RARB: variants seen among roughly 807,000 people sequenced by gnomAD.
The protein encoded by RARB is retinoic acid receptor beta.
In RARB, 17 loss-of-function variants were observed where a neutral mutation model predicts 51.9. The observed-to-expected ratio is 0.33, with a 90% CI of 0.22 to 0.49. The LOEUF is 0.49. Ranked by LOEUF, RARB falls within the 20% of genes least tolerant of loss-of-function variation. The pLI is 0.99. For synonymous variants in RARB, 215 were observed against 195.4 expected, an observed-to-expected ratio of 1.10 and a Z score of -0.84; for missense variants, 369 against 550.8, an observed-to-expected ratio of 0.67 and a Z score of 3.30.
intron 4 of RARB, among the ~76,000 whole-genome samples, chr3:25,154,849 T>A (rs563258935): frequency 2.0e-5 from 3 of 152,322 alleles, no homozygotes; most frequent in African/African-American, 7.2e-5. Context: ...CCTACCTACA[T>A]CTGAGCATGG....
chr3:24,994,899 T>A (rs1575110412), intron 2 of RARB, among the ~76,000 whole-genome samples: 1 of 152,006 alleles, frequency 6.6e-6, no homozygotes, highest in African/African-American at 2.4e-5. Context: ...ACTACAGTGT[T>A]GTATAGTTTG....
intron 3 of RARB, among the ~76,000 whole-genome samples, chr3:25,072,933 G>A (rs1367122579): frequency 2.0e-5 from 3 of 151,918 alleles, no homozygotes; most frequent in Non-Finnish European, 2.9e-5. Flanking sequence ...CTCCTGACCT[G>A]ATGATCCACC....
intron 2 of RARB, among the ~76,000 whole-genome samples, chr3:25,038,324 G>A (rs1403366774): frequency 6.6e-6 from 1 of 151,994 alleles, no homozygotes; most frequent in East Asian, 1.9e-4. Context: ...AAACACTGCT[G>A]TTCATGACAT....
chr3:24,873,790 A>G (rs917573004), intron 2 of RARB, among the ~76,000 whole-genome samples: 5 of 151,718 alleles, frequency 3.3e-5, no homozygotes, highest in African/African-American at 1.2e-4. Flanking sequence ...ATATTTTTAT[A>G]TTTTTGATAC....
intron 2 of RARB, among the ~76,000 whole-genome samples, chr3:25,011,742 G>A (rs774638312): frequency 1.3e-5 from 2 of 152,102 alleles, no homozygotes; most frequent in South Asian, 4.1e-4. Context: ...TGTCAAAGAA[G>A]TTGGTGTGTC....
intron 2 of RARB, among the ~76,000 whole-genome samples, chr3:25,058,971 A>G (rs1698495832): frequency 6.6e-6 from 1 of 151,778 alleles, no homozygotes; most frequent in African/African-American, 2.4e-5. Context: ...AATTTTACCC[A>G]TAATTCTACC....
At chr3:25,219,425 A>C (rs2125383608) in intron 5 of RARB, among the ~76,000 whole-genome samples, 1 of 152,250 alleles carries the variant, frequency 6.6e-6, no homozygotes, top group South Asian at 2.1e-4. Context: ...CTGCGCTTGA[A>C]CCACTTTGAG....
chr3:25,013,853 A>T (rs1283398326), intron 2 of RARB, among the ~76,000 whole-genome samples: 2 of 152,066 alleles, frequency 1.3e-5, no homozygotes, highest in Non-Finnish European at 2.9e-5. Flanking sequence ...TTTTTATCAC[A>T]AGCAACAGGA....
At chr3:25,288,003 G>T (rs1460536454) in intron 5 of RARB, among the ~76,000 whole-genome samples, 4 of 151,886 alleles carry the variant, frequency 2.6e-5, no homozygotes, top group African/African-American at 9.7e-5. Context: ...CCACAAAGCT[G>T]GTAGATTTTT....
intron 2 of RARB, among the ~76,000 whole-genome samples, chr3:25,032,260 G>T (rs1479679709): frequency 1.3e-5 from 2 of 151,998 alleles, no homozygotes; most frequent in African/African-American, 2.4e-5. Flanking sequence ...ATTAAGTCAC[G>T]GGCTGCATAA....
intron 5 of RARB, among the ~76,000 whole-genome samples, chr3:25,419,924 C>CA (rs1296329955): frequency 1.3e-5 from 2 of 150,892 alleles, no homozygotes; most frequent in African/African-American, 2.5e-5. Flanking sequence ...TAACAAAATG[C>CA]AAAAAACTAA....
intron 4 of RARB, among the ~76,000 whole-genome samples, chr3:25,136,621 G>T (rs895447267): frequency 1.3e-5 from 2 of 151,982 alleles, no homozygotes; most frequent in South Asian, 2.1e-4. Context: ...CACAATAAAA[G>T]AACCAGCACA....
At chr3:24,955,189 G>C (rs1468610425) in intron 2 of RARB, among the ~76,000 whole-genome samples, 1 of 152,154 alleles carries the variant, frequency 6.6e-6, no homozygotes, top group Non-Finnish European at 1.5e-5. Context: ...AGCTGGAAAG[G>C]GGATGGTGTA....
In RARB at chr3:25,460,779, C is replaced by T. The variant is rs573160159; in HGVS notation, c.158-414C>T. Among the ~76,000 whole-genome samples, 207 of 152,244 alleles carry T rather than the reference C, an allele frequency of 1.4e-3. 2 individuals are homozygous for T. The highest frequency in any genetic ancestry group is 3.8e-4 in the Non-Finnish European group (26 of 68,032). On this transcript the variant is annotated intron_variant, in intron 1 of 7. Coordinates refer to ENST00000330688, the MANE Select transcript of RARB (RefSeq NM_000965.5). ...GGTTAAGTGAGCAACAAGGTCAAGT[C>T]GTTTGAGATTCTACATGAATCAGAA...
intron 2 of RARB, among the ~76,000 whole-genome samples, chr3:24,969,671 A>G (rs1696350938): frequency 1.3e-5 from 2 of 152,136 alleles, no homozygotes; most frequent in Non-Finnish European, 2.9e-5. Context: ...AGAGAGCTAG[A>G]CAGTGTGTTG....
In RARB at chr3:24,923,297, T is replaced by C. The variant is rs976165339; in HGVS notation, c.-380+64545T>C. Among the ~76,000 whole-genome samples, 7 of 152,094 alleles carry C rather than the reference T, an allele frequency of 4.6e-5. No individual in the cohort carries two copies. In the East Asian group the frequency reaches 7.7e-4, roughly 17 times the overall value. On this transcript the variant is annotated intron_variant, in intron 2 of 11. Transcript: ENST00000383772. ...CCCAGCTTAATTTGTCATCTTTTTT[T>C]CCCTCCTTTTAAAGCATTGCTGAGA...
rs916660248 is a variant in RARB, at chr3:25,159,414, C to CA, written c.-279-14705_-279-14704insA. On this transcript the variant is annotated intron_variant, in intron 4 of 11. Transcript: ENST00000383772. The stretch of plus-strand genomic sequence containing the variant: ...GAACTCCTGACCTCAGATGATCCAC[C>CA]CCCCCCGCTCCCCCTCAGCCTCCCA... 7.7e-5 allele frequency among the ~76,000 whole-genome samples: 9 copies of CA among 117,332 alleles called. No homozygotes were observed. In the East Asian group the frequency reaches 9.1e-4, roughly 12 times the overall value. The allele number at this position is 117,332 out of a possible 152,430, so 77.0% of individuals were successfully genotyped here.
intron 2 of RARB, among the ~76,000 whole-genome samples, chr3:24,868,190 G>T (rs1311102518): frequency 1.3e-5 from 2 of 152,108 alleles, no homozygotes; most frequent in Admixed American, 6.6e-5. Flanking sequence ...TTACATGTGG[G>T]TGTTAGCCTG....
intron 3 of RARB, among the ~76,000 whole-genome samples, chr3:25,062,398 T>G (rs1195898464): frequency 6.6e-6 from 1 of 151,894 alleles, no homozygotes; most frequent in African/African-American, 2.4e-5. Flanking sequence ...GAAATAACTT[T>G]TTCTAGTGTG....
Sources: gnomAD v4.1 joint callset for allele counts (sites outside exome capture counted in the v4.1 genomes callset) on GRCh38, gnomAD v4.1.1 for gene constraint, MANE v1.5 for transcripts, NCBI Gene and HGNC (gene_info 2026-07-23, HGNC 2026-07-21) for gene names.